Variants in ZFAND5 observed in about 807,000 individuals in gnomAD.
ZFAND5 encodes AN1-type zinc finger protein 5.
In ZFAND5, 4 loss-of-function variants were observed where a neutral mutation model predicts 23.6. The observed-to-expected ratio is 0.17, with a 90% CI of 0.08 to 0.39. The LOEUF is 0.39. ZFAND5 is among the 10% of genes least tolerant of loss of function. The pLI is 1.00. For missense variants in ZFAND5, 161 were observed against 253.7 expected, an observed-to-expected ratio of 0.63 and a Z score of 2.48; for synonymous variants, 68 against 80.6, an observed-to-expected ratio of 0.84 and a Z score of 0.84.
At position 72,363,596 on chromosome 9, in the gene ZFAND5, CT is replaced by C. The variant is rs1275999881; in HGVS notation, c.-137del. The C allele has an allele frequency of 1.0e-6, 1 of 979,586 alleles. No individual in the cohort carries two copies. Among genetic ancestry groups the C allele is most frequent in the African/African-American group, 1.7e-5 (1 of 57,272 alleles). The allele number at this position is 979,586 out of a possible 1,614,324, so 60.7% of individuals were successfully genotyped here. A position where few individuals can be genotyped will look rare whatever the true frequency, so the allele number is the denominator to read the frequency against. On this transcript the variant is annotated 5_prime_UTR_variant, in exon 2 of 7. Transcript: ENST00000376962. ...GAGTAGAATTGACTTTTAAAGGCTCCTTTTCAGGGCCTGGGAGATAGAAAAC... is the reference window on the plus strand; with the variant it reads ...GAGTAGAATTGACTTTTAAAGGCTCCTTTCAGGGCCTGGGAGATAGAAAAC...
intron 5 of ZFAND5, 83 bp from the exon 6 acceptor site, chr9:72,357,139 A>T: frequency 6.6e-7 from 1 of 1,511,056 alleles, no homozygotes; most frequent in Non-Finnish European, 9.0e-7. Flanking sequence ...TAAGAGAAAC[A>T]GGAAGATGCC....
rs532134148 is a variant in ZFAND5, at chr9:72,364,410, C to A, written c.-147+286G>T. ...CGCCGGGCGCCGCCGCGGAGGCGAGCGGCCTAGAGGCCGGCCCCGCAGAGG... is the reference window on the plus strand; with the variant it reads ...CGCCGGGCGCCGCCGCGGAGGCGAGAGGCCTAGAGGCCGGCCCCGCAGAGG... On this transcript the variant is annotated intron_variant, in intron 1 of 6. Coordinates refer to ENST00000376962, the MANE Select transcript of ZFAND5 (RefSeq NM_001102420.3). 1.3e-4 allele frequency: 153 copies of A among 1,211,330 alleles called. 2 individuals carry two copies. The South Asian group carries it at 2.0e-3, about 16-fold the overall frequency. 75.0% of individuals were successfully genotyped at this position (1,211,330 alleles called of 1,614,324 possible).
In ZFAND5 at chr9:72,354,019, C is replaced by G. The variant is rs1443753645; in HGVS notation, c.*1934G>C. 6.6e-6 allele frequency: 1 copy of G among 152,114 alleles called. No individual in the cohort carries two copies. The highest frequency in any genetic ancestry group is 1.5e-5 in the Non-Finnish European group (1 of 68,018). The allele number at this position is 152,114 out of a possible 1,614,324, so 9.4% of individuals were successfully genotyped here. On this transcript the variant is annotated 3_prime_UTR_variant, in exon 7 of 7. Transcript: ENST00000376962. ...GGTAAAGTCAACATGTACCTGTCAC[C>G]CCTTGTTCTTTATGATCTGGCATAA...
Position 72,351,672 on chromosome 9 carries a change from T to C in ZFAND5, c.*4281A>G, listed in dbSNP as rs2131963495. 1 of 151,586 alleles carries C rather than the reference T, an allele frequency of 6.6e-6. No homozygotes were observed. The highest frequency in any genetic ancestry group is 6.6e-5 in the Admixed American group (1 of 15,196). The allele number at this position is 151,586 out of a possible 1,614,324, so 9.4% of individuals were successfully genotyped here. ...GTCACCACCTCAACCACTGCTAAGC[T>C]CTCTTCATGTCTATCTGTACCAGTT... On this transcript the variant is annotated 3_prime_UTR_variant, in exon 7 of 7. Coordinates refer to ENST00000376962, the MANE Select transcript of ZFAND5 (RefSeq NM_001102420.3).
intron 4 of ZFAND5, 132 bp from the exon 5 acceptor site, chr9:72,359,653 T>A: frequency 1.1e-6 from 1 of 879,994 alleles, no homozygotes; most frequent in African/African-American, 1.7e-5. Flanking sequence ...AATCTAAAGT[T>A]TAAAAAAAAA....
chr9:72,364,043 G>A (rs1842183148), intron 1 of ZFAND5: 1 of 152,732 alleles, frequency 6.5e-6, no homozygotes, highest in African/African-American at 2.4e-5. Flanking sequence ...GGATAAAAAC[G>A]CAGCGACGTC....
rs1841782130 is a variant in ZFAND5 at position 72,351,868 on chromosome 9, A to G, written c.*4085T>C. On this transcript the variant is annotated 3_prime_UTR_variant, in exon 7 of 7. Coordinates refer to ENST00000376962, the MANE Select transcript of ZFAND5 (RefSeq NM_001102420.3). ...TTGTTAACAGCCTGTTGCCTCACCC[A>G]TGCAAACTCTTCTAGCTAGTTTAAG... 6.6e-6 allele frequency: 1 copy of G among 152,296 alleles called. No homozygotes were observed. The highest frequency in any genetic ancestry group is 3.4e-3 in the Middle Eastern group (1 of 296). 9.4% of individuals were successfully genotyped at this position (152,296 alleles called of 1,614,324 possible). A position where few individuals can be genotyped will look rare whatever the true frequency, so the allele number is the denominator to read the frequency against.
intron 2 of ZFAND5, 75 bp downstream of exon 2, chr9:72,363,395 A>G (rs1284534187): frequency 6.5e-6 from 1 of 153,386 alleles, no homozygotes; most frequent in Non-Finnish European, 1.4e-5. Context: ...TTCTGAACAA[A>G]GAGCTTTTAC....
At chr9:72,358,155 T>C (rs1841997212) in intron 5 of ZFAND5, among the ~76,000 whole-genome samples, 1 of 152,110 alleles carries the variant, frequency 6.6e-6, no homozygotes, top group Non-Finnish European at 1.5e-5. Context: ...TCTGCCCAAA[T>C]TTATAATTCA....
Position 72,354,287 on chromosome 9 carries a change from T to A in ZFAND5, c.*1666A>T, listed in dbSNP as rs949841462. 6 of 152,192 alleles carry A rather than the reference T, an allele frequency of 3.9e-5. No homozygotes were observed. The highest frequency in any genetic ancestry group is 1.3e-4 in the Admixed American group (2 of 15,288). 9.4% of individuals were successfully genotyped at this position (152,192 alleles called of 1,614,324 possible). A position where few individuals can be genotyped will look rare whatever the true frequency, so the allele number is the denominator to read the frequency against. ...CCTATTGAATTCTTCAAAAATAAAC[T>A]GCCTATCAGGTATCATACCTGCAAA... On this transcript the variant is annotated 3_prime_UTR_variant, in exon 7 of 7. Transcript: ENST00000376962.
intron 2 of ZFAND5, among the ~76,000 whole-genome samples, chr9:72,362,869 C>T (rs1290045009): frequency 6.6e-6 from 1 of 152,184 alleles, no homozygotes; most frequent in African/African-American, 2.4e-5. Context: ...GATGGAGGCT[C>T]TCACATAAAG....
rs1842213564 is a variant in ZFAND5, at chr9:72,364,683, C to G, written c.-147+13G>C. 3.8e-6 allele frequency: 4 copies of G among 1,047,062 alleles called. No homozygotes were observed. In the South Asian group the frequency reaches 6.9e-5, roughly 18 times the overall value. 64.9% of individuals were successfully genotyped at this position (1,047,062 alleles called of 1,614,324 possible). On this transcript the variant is annotated intron_variant, in intron 1 of 6. Transcript: ENST00000376962. The stretch of plus-strand genomic sequence containing the variant: ...AGGAGCCCGGCTCCCACCCGCAGCC[C>G]CGTATCACTCACCCTGCAGGGTCCC...
intron 2 of ZFAND5, among the ~76,000 whole-genome samples, chr9:72,361,487 C>T (rs1842100229): frequency 1.3e-5 from 2 of 152,204 alleles, no homozygotes; most frequent in African/African-American, 2.4e-5. Context: ...ACCTGCAATA[C>T]ACAAATTATG....
rs759599940 is a variant in ZFAND5, at chr9:72,360,620, T to C, written c.151+8A>G. 1 of 1,613,528 alleles carries C rather than the reference T, an allele frequency of 6.2e-7. No individual in the cohort carries two copies. The highest frequency in any genetic ancestry group is 8.5e-7 in the Non-Finnish European group (1 of 1,179,782). ...TTTCAAATGTGTTTTTCCTTGGAAATAACTTACCCATTGGGCTCATTCTGC... is the reference window on the plus strand; with the variant it reads ...TTTCAAATGTGTTTTTCCTTGGAAACAACTTACCCATTGGGCTCATTCTGC... On this transcript the variant is annotated splice_region_variant and intron_variant, in intron 3 of 6. Transcript: ENST00000376962.
intron 3 of ZFAND5, 82 bp downstream of exon 3, chr9:72,360,546 C>G: frequency 1.9e-6 from 3 of 1,580,590 alleles, no homozygotes; most frequent in African/African-American, 1.4e-5. Flanking sequence ...CATGTGCTTT[C>G]AGCATTCTCA....
At chr9:72,358,741 C>T (rs1587873526) in intron 5 of ZFAND5, among the ~76,000 whole-genome samples, 1 of 152,074 alleles carries the variant, frequency 6.6e-6, no homozygotes, top group African/African-American at 2.4e-5. Flanking sequence ...TTTTTCACAA[C>T]AGAAGTTTTA....
rs1481890058 is a variant in ZFAND5, at chr9:72,360,126, T to C, written c.247A>G (p.Thr83Ala). 1.9e-6 allele frequency: 3 copies of C among 1,610,816 alleles called. No individual in the cohort carries two copies. The African/African-American group carries it at 4.0e-5, about 22-fold the overall frequency. ...CAATCTTACCTTGATTTTTCAGATG[T>C]GCTGCCAGCAGCACCTTCACAGTTG... ...LNNCEGAAGS[T>A]SEKSRNVPVA... Residue 83 changes from threonine to alanine, a missense_variant, in exon 4 of 7, where the codon ACA becomes GCA. By Grantham distance (58) the Thr-to-Ala change is moderately conservative (BLOSUM62 0). Around this residue, in one of 3 missense-constraint regions of ZFAND5, gnomAD observed 116 missense variants for 115.2 expected, o/e 1.01. Transcript: ENST00000376962.
At chr9:72,359,296 G>T in intron 5 of ZFAND5, 122 bp downstream of exon 5, 1 of 813,994 alleles carries the variant, frequency 1.2e-6, no homozygotes, top group Non-Finnish European at 1.9e-6. Flanking sequence ...TTCTTTGCTT[G>T]GCCTATATTT....
At chr9:72,360,845 A>T in intron 2 of ZFAND5, 58 bp from the exon 3 acceptor site, 1 of 1,493,702 alleles carries the variant, frequency 6.7e-7, no homozygotes, top group South Asian at 1.3e-5. Context: ...AGTCTAATAT[A>T]ATCATCGGTA....
Sources: gnomAD v4.1 joint callset for allele counts (sites outside exome capture counted in the v4.1 genomes callset) on GRCh38, gnomAD v4.1.1 for gene constraint, gnomAD v4.1.1 regional missense constraint, MANE v1.5 for transcripts, NCBI Gene and HGNC (gene_info 2026-07-23, HGNC 2026-07-21) for gene names.